The following PBX3 variants were observed in gnomAD, a reference collection of about 807,000 sequenced individuals.
PBX3 encodes pre-B-cell leukemia transcription factor 3.
A neutral mutation model predicts 48.5 loss-of-function variants in PBX3; 14 were observed. That is an observed-to-expected ratio of 0.29 (90% CI 0.19 to 0.45). The LOEUF is 0.45. Ranked by LOEUF, PBX3 falls within the 20% of genes least tolerant of loss-of-function variation. The pLI is 1.00. For synonymous variants in PBX3, 210 were observed against 200.3 expected, an observed-to-expected ratio of 1.05 and a Z score of -0.41; for missense variants, 386 against 546.7, an observed-to-expected ratio of 0.71 and a Z score of 2.93.
rs1177171188 is a variant in PBX3 at position 125,777,364 on chromosome 9, T to TC, written c.274+28741_274+28742insC. On this transcript the variant is annotated intron_variant, in intron 2 of 8. Coordinates refer to ENST00000373489, the MANE Select transcript of PBX3 (RefSeq NM_006195.6). ...CTGGTTTAATTCTTCTTCTTCTTCTTTTTTTTTTTGAAATGGAGTCTCACC... is the reference window on the plus strand; with the variant it reads ...CTGGTTTAATTCTTCTTCTTCTTCTTCTTTTTTTTTGAAATGGAGTCTCACC... 4.7e-5 allele frequency among the ~76,000 whole-genome samples: 7 copies of TC among 148,454 alleles called. 1 individual carries two copies. The highest frequency in any genetic ancestry group is 3.9e-4 in the East Asian group (2 of 5,090).
At chr9:125,893,293 T>TG (rs988904041) in intron 2 of PBX3, among the ~76,000 whole-genome samples, 2 of 152,240 alleles carry the variant, frequency 1.3e-5, no homozygotes, top group African/African-American at 4.8e-5. Context: ...TTTTAACTGT[T>TG]GCATTTTACT....
intron 2 of PBX3, among the ~76,000 whole-genome samples, chr9:125,808,294 A>G (rs1838187118): frequency 6.6e-6 from 1 of 152,168 alleles, no homozygotes; most frequent in Non-Finnish European, 1.5e-5. Flanking sequence ...TTATTACTTG[A>G]CAGAATCCAA....
chr9:125,818,209 A>G (rs1456194801), intron 2 of PBX3, among the ~76,000 whole-genome samples: 1 of 123,568 alleles, frequency 8.1e-6, no homozygotes, highest in Non-Finnish European at 1.6e-5. Flanking sequence ...CAAAAAAACC[A>G]AAAAAAAAAC....
intron 2 of PBX3, among the ~76,000 whole-genome samples, chr9:125,875,953 A>G (rs1290243485): frequency 1.3e-5 from 2 of 152,204 alleles, no homozygotes; most frequent in African/African-American, 4.8e-5. Context: ...GATTCAGAGA[A>G]GGCATAGCTT....
chr9:125,879,058 T>G (rs565351934), intron 2 of PBX3, among the ~76,000 whole-genome samples: 2 of 151,716 alleles, frequency 1.3e-5, no homozygotes, highest in African/African-American at 4.8e-5. Context: ...GAATGTTGCT[T>G]TTACAAAGAC....
chr9:125,915,658 C>CTCTG, intron 2 of PBX3, 28 bp from the exon 3 acceptor site: 1 of 1,562,276 alleles, frequency 6.4e-7, no homozygotes, highest in Non-Finnish European at 8.7e-7. Context: ...CTTCTTCTCT[C>CTCTG]TCTGTCTCTC....
intron 2 of PBX3, among the ~76,000 whole-genome samples, chr9:125,872,213 A>G (rs972780353): frequency 1.3e-5 from 2 of 152,220 alleles, no homozygotes; most frequent in African/African-American, 4.8e-5. Context: ...AAAGTATAAA[A>G]TGATTTGGGA....
chr9:125,810,881 G>A (rs1838269681), intron 2 of PBX3, among the ~76,000 whole-genome samples: 1 of 152,160 alleles, frequency 6.6e-6, no homozygotes, highest in African/African-American at 2.4e-5. Flanking sequence ...CTTAACTATA[G>A]CATTCTCTGC....
At chr9:125,781,830 A>G (rs1489059113) in intron 2 of PBX3, among the ~76,000 whole-genome samples, 1 of 151,184 alleles carries the variant, frequency 6.6e-6, no homozygotes, top group East Asian at 1.9e-4. Context: ...GTAGGCATTT[A>G]TGGCTATAAA....
intron 2 of PBX3, among the ~76,000 whole-genome samples, chr9:125,834,538 C>T (rs1839063341): frequency 6.6e-6 from 1 of 151,798 alleles, no homozygotes; most frequent in South Asian, 2.1e-4. Flanking sequence ...GCTGGGATTA[C>T]AGGCACCACC....
chr9:125,803,540 A>G (rs1310735790), intron 2 of PBX3, among the ~76,000 whole-genome samples: 1 of 143,378 alleles, frequency 7.0e-6, no homozygotes, highest in Non-Finnish European at 1.5e-5. Flanking sequence ...TGACCTTGGC[A>G]TAAAAAAATG....
intron 3 of PBX3, among the ~76,000 whole-genome samples, chr9:125,928,424 T>TGTGTGTG (rs1554729911): frequency 1.1e-4 from 14 of 125,262 alleles, no homozygotes; most frequent in East Asian, 4.8e-4. Context: ...GTGTGTGTGT[T>TGTGTGTG]TTTGTGTATG....
chr9:125,780,965 G>C (rs193111085), intron 2 of PBX3, among the ~76,000 whole-genome samples: 83 of 79,940 alleles, frequency 1.0e-3, no homozygotes, highest in African/African-American at 4.0e-3. Flanking sequence ...ACGGGGTTGC[G>C]GCCGGGCAGA....
intron 2 of PBX3, among the ~76,000 whole-genome samples, chr9:125,782,462 C>T (rs867148336): frequency 6.6e-6 from 1 of 152,206 alleles, no homozygotes; most frequent in Non-Finnish European, 1.5e-5. Context: ...TACTCCTTTA[C>T]AACTCCATTT....
intron 2 of PBX3, among the ~76,000 whole-genome samples, chr9:125,789,605 A>T (rs1028742606): frequency 1.3e-5 from 2 of 152,200 alleles, no homozygotes; most frequent in South Asian, 4.2e-4. Flanking sequence ...TTTGTAACCT[A>T]ATCTTGGAAT....
chr9:125,813,823 C>G (rs556478286), intron 2 of PBX3, among the ~76,000 whole-genome samples: 1 of 147,626 alleles, frequency 6.8e-6, no homozygotes, highest in African/African-American at 2.7e-5. Flanking sequence ...TTAGGTATCA[C>G]TGCTTCTGAA....
chr9:125,775,476 C>T (rs1837048445), intron 2 of PBX3, among the ~76,000 whole-genome samples: 1 of 152,128 alleles, frequency 6.6e-6, no homozygotes, highest in South Asian at 2.1e-4. Flanking sequence ...ATTCAGTTGT[C>T]CTAGTACCAT....
chr9:125,882,538 TTGGAAAC>T (rs894240400), intron 2 of PBX3, among the ~76,000 whole-genome samples: 2 of 152,060 alleles, frequency 1.3e-5, no homozygotes, highest in African/African-American at 4.8e-5. Flanking sequence ...CTATAGGTTA[TTGGAAAC>T]ACGCTCTCTT....
chr9:125,748,299 C>G (rs572378253), intron 1 of PBX3: 2 of 1,113,518 alleles, frequency 1.8e-6, no homozygotes, highest in Non-Finnish European at 2.2e-6. Flanking sequence ...GGGTTCGCGT[C>G]GCGTCTGCAG....
Sources: gnomAD v4.1 joint callset for allele counts (sites outside exome capture counted in the v4.1 genomes callset) on GRCh38, gnomAD v4.1.1 for gene constraint, MANE v1.5 for transcripts, NCBI Gene and HGNC (gene_info 2026-07-23, HGNC 2026-07-21) for gene names.